The following LRRC37A2 variants were observed in gnomAD, a reference collection of about 807,000 sequenced individuals.
LRRC37A2 encodes the protein leucine-rich repeat-containing protein 37A2.
Under a neutral mutation model 68.8 loss-of-function variants are expected in LRRC37A2, and 9 were observed. The ratio of observed to expected loss-of-function variants is 0.13; its 90% confidence interval spans 0.08 to 0.23. LRRC37A2 has a LOEUF of 0.23. Among genes scored for constraint, LRRC37A2 ranks in the 10% least tolerant of loss-of-function variants. The pLI, the probability that LRRC37A2 is intolerant of heterozygous loss-of-function variation, is 1.00. For missense variants in LRRC37A2, 168 were observed against 950.4 expected (o/e 0.18, Z 10.82); for synonymous variants, 63 against 367.6 (o/e 0.17, Z 9.48).
At chr17:46,839,369 C>G in the LRRC37A2 span, among the ~76,000 whole-genome samples, 1 of 152,206 alleles carries the variant, frequency 6.6e-6, no homozygotes, top group Non-Finnish European at 1.5e-5. Context: ...TAGCCCCTGG[C>G]GGGTCCAGGC....
the LRRC37A2 span, among the ~76,000 whole-genome samples, chr17:46,954,894 C>T: frequency 6.6e-6 from 1 of 152,182 alleles, no homozygotes; most frequent in African/African-American, 2.4e-5. Flanking sequence ...GCTGAAGTTG[C>T]TTATCAGCTT....
chr17:46,760,547 T>C, the LRRC37A2 span, among the ~76,000 whole-genome samples: 1 of 145,208 alleles, frequency 6.9e-6, no homozygotes, highest in Non-Finnish European at 1.5e-5. Flanking sequence ...AGGTAGGAGG[T>C]CACTTGAGCC....
the LRRC37A2 span, among the ~76,000 whole-genome samples, chr17:46,983,443 C>T: frequency 0.013 from 2,051 of 151,990 alleles, 29 homozygotes; most frequent in South Asian, 0.018. Context: ...TACAGGTGTC[C>T]GCCACCATGC....
chr17:46,749,739 T>G, the LRRC37A2 span: 1 of 1,592,654 alleles, frequency 6.3e-7, no homozygotes, highest in Non-Finnish European at 8.6e-7. Flanking sequence ...AGTCTTATTA[T>G]GTACATTTTA....
chr17:46,733,655 C>A, the LRRC37A2 span, among the ~76,000 whole-genome samples: 3 of 152,170 alleles, frequency 2.0e-5, no homozygotes, highest in Admixed American at 6.5e-5. Context: ...TGAGGCCACT[C>A]ACAACTGGCC....
chr17:46,768,929 T>C, the LRRC37A2 span: 1 of 1,376,564 alleles, frequency 7.3e-7, no homozygotes, highest in South Asian at 1.4e-5. The surrounding 1 kb of genome is among the most constrained non-coding windows in gnomAD (Gnocchi z 5.0). Context: ...GGAAGAGAAC[T>C]GATGGGGACT....
the LRRC37A2 span, among the ~76,000 whole-genome samples, chr17:46,761,266 A>ACAG: frequency 6.6e-6 from 1 of 151,934 alleles, no homozygotes; most frequent in Non-Finnish European, 1.5e-5. Context: ...AGGTCTGAAT[A>ACAG]CAGCGCAGAG....
chr17:46,712,573 A>G, the LRRC37A2 span, among the ~76,000 whole-genome samples: 4 of 152,226 alleles, frequency 2.6e-5, no homozygotes, highest in African/African-American at 9.6e-5. Context: ...CAAGGGTCAT[A>G]TAGGAGAAGT....
chr17:46,568,534 GTGGCTCACACTA>G, the LRRC37A2 span, among the ~76,000 whole-genome samples: 1 of 108,768 alleles, frequency 9.2e-6, no homozygotes, highest in Non-Finnish European at 1.9e-5. Flanking sequence ...GCCAGGCGAG[GTGGCTCACACTA>G]TGGTCTCAGC....
At chr17:46,771,185 G>A in the LRRC37A2 span, among the ~76,000 whole-genome samples, 1 of 152,190 alleles carries the variant, frequency 6.6e-6, no homozygotes, top group Admixed American at 6.5e-5. Context: ...CACTTCCAAC[G>A]ACGGGAGGGC....
At chr17:46,976,608 C>T in the LRRC37A2 span, among the ~76,000 whole-genome samples, 1 of 152,128 alleles carries the variant, frequency 6.6e-6, no homozygotes, top group African/African-American at 2.4e-5. Context: ...CTTCTCGCCC[C>T]AGTCACATTT....
chr17:46,780,498 G>A, the LRRC37A2 span, among the ~76,000 whole-genome samples: 1 of 152,240 alleles, frequency 6.6e-6, no homozygotes, highest in Non-Finnish European at 1.5e-5. Context: ...AATTGAAAAT[G>A]GGGACTCTGC....
the LRRC37A2 span, among the ~76,000 whole-genome samples, chr17:46,811,544 C>T: frequency 6.6e-6 from 1 of 152,162 alleles, no homozygotes; most frequent in Admixed American, 6.5e-5. Context: ...TCTCTCCAGC[C>T]CCCATGGCCC....
chr17:46,779,456 C>T, the LRRC37A2 span, among the ~76,000 whole-genome samples: 1 of 152,146 alleles, frequency 6.6e-6, no homozygotes, highest in African/African-American at 2.4e-5. Flanking sequence ...AGGACCCTGC[C>T]ACCCTCCTCC....
chr17:46,871,003 C>T, the LRRC37A2 span, among the ~76,000 whole-genome samples: 2 of 151,430 alleles, frequency 1.3e-5, no homozygotes, highest in Admixed American at 6.6e-5. Context: ...CTCCACCTCC[C>T]GAGCTCAAGC....
intron 6 of LRRC37A2, among the ~76,000 whole-genome samples, chr17:46,526,207 TAAAC>T (rs2052740765): frequency 9.1e-6 from 1 of 109,982 alleles, no homozygotes; most frequent in Non-Finnish European, 2.0e-5. Context: ...ATCTTCCTGG[TAAAC>T]AAAGCTACAC....
chr17:46,833,436 A>G, the LRRC37A2 span: 20 of 515,496 alleles, frequency 3.9e-5, no homozygotes, highest in Non-Finnish European at 7.4e-5. Context: ...AAGAAGAATC[A>G]GAAGGTGAGT....
the LRRC37A2 span, among the ~76,000 whole-genome samples, chr17:46,742,875 G>A: frequency 2.0e-5 from 3 of 152,224 alleles, no homozygotes; most frequent in African/African-American, 7.2e-5. Flanking sequence ...AAGGGTCTCT[G>A]TTGAATAATA....
At chr17:46,727,799 C>G in the LRRC37A2 span, among the ~76,000 whole-genome samples, 1 of 152,072 alleles carries the variant, frequency 6.6e-6, no homozygotes, top group Non-Finnish European at 1.5e-5. Context: ...GAATGTGTGC[C>G]CTCTGAGTAC....
Sources: gnomAD v4.1 joint callset for allele counts (sites outside exome capture counted in the v4.1 genomes callset) on GRCh38, gnomAD v4.1.1 for gene constraint, Gnocchi (gnomAD v3.1) non-coding constraint, MANE v1.5 for transcripts, NCBI Gene and HGNC (gene_info 2026-07-23, HGNC 2026-07-21) for gene names.